Variants in NT5C1B observed in about 807,000 individuals in gnomAD.
NT5C1B encodes the protein cytosolic 5'-nucleotidase 1B.
A neutral mutation model predicts 57.8 loss-of-function variants in NT5C1B; 44 were observed. The observed-to-expected ratio is 0.76, with a 90% confidence interval of 0.60 to 0.98. The LOEUF (loss-of-function observed/expected upper bound fraction) is 0.98, where lower values mean the gene tolerates loss of function less well. Ranked by LOEUF, NT5C1B falls within the 50% of genes least tolerant of loss-of-function variation. NT5C1B has a pLI of 0.00. For missense variants in NT5C1B, 742 were observed against 719.5 expected (o/e 1.03, Z -0.36); for synonymous variants, 284 against 282.6 (o/e 1.00, Z -0.05).
At chr2:18,587,183 T>G in intron 2 of NT5C1B, 4 of 1,610,272 alleles carry the variant, frequency 2.5e-6, no homozygotes, top group Non-Finnish European at 3.4e-6. Flanking sequence ...TCTGAAAGAT[T>G]GTGCAGAAAG....
chr2:18,564,100 A>G (rs1308897069), exon 9 of NT5C1B: 1 of 1,583,020 alleles, frequency 6.3e-7, no homozygotes, highest in Non-Finnish European at 8.6e-7. Context: ...TAAATCTTCC[A>G]GAAAGCCTTT....
intron 3 of NT5C1B, chr2:18,585,272 A>G: frequency 1.5e-6 from 1 of 667,234 alleles, no homozygotes; most frequent in Non-Finnish European, 2.8e-6. Context: ...CCCCTTAGGC[A>G]GCTGACACAT....
At chr2:18,582,175 G>C (rs1242891629) in intron 6 of NT5C1B, among the ~76,000 whole-genome samples, 1 of 152,190 alleles carries the variant, frequency 6.6e-6, no homozygotes, top group Non-Finnish European at 1.5e-5. Flanking sequence ...GTGCTTCAAT[G>C]ATTCCAGCCT....
At chr2:18,576,684 T>A (rs555428516) in intron 7 of NT5C1B, 89 bp downstream of exon 7, 1 of 1,566,086 alleles carries the variant, frequency 6.4e-7, no homozygotes, top group African/African-American at 1.4e-5. Context: ...AACAAGACCA[T>A]AAGCCTCATA....
exon 7 of NT5C1B, chr2:18,576,792 C>T: frequency 6.2e-7 from 1 of 1,613,814 alleles, no homozygotes; most frequent in Non-Finnish European, 8.5e-7. Context: ...TTGCCTCTTG[C>T]ACTTTTTCAG....
Position 18,576,230 on chromosome 2 carries a change from T to C in NT5C1B, c.1283A>G (p.Lys428Arg), listed in dbSNP as rs149286164. Residue 428 changes from lysine to arginine, a missense_variant, in exon 8 of 9, where the codon AAA becomes AGA. Coordinates refer to ENST00000304081, the Ensembl canonical transcript of NT5C1B. ...ACATAATGTATCATACTGGAAGAAT[T>C]TGTCGAGCCCATGCTCCTTGGTAAA... The C allele has an allele frequency of 9.9e-6, 16 of 1,613,544 alleles. No homozygotes were observed. In the African/African-American group the frequency reaches 2.0e-4, roughly 20 times the overall value.
At chr2:18,564,319 A>G (rs1444673857) in intron 8 of NT5C1B, among the ~76,000 whole-genome samples, 200 bp from the exon 9 acceptor site, 2 of 152,230 alleles carry the variant, frequency 1.3e-5, no homozygotes, top group Non-Finnish European at 2.9e-5. Flanking sequence ...CCATCCTTGC[A>G]TTCCTGGAAT....
At chr2:18,572,790 A>G (rs1665324742) in intron 8 of NT5C1B, among the ~76,000 whole-genome samples, 1 of 152,218 alleles carries the variant, frequency 6.6e-6, no homozygotes, top group Non-Finnish European at 1.5e-5. Context: ...AAAGAAAAAT[A>G]CTGAATACTA....
chr2:18,576,476 T>TCAGG, intron 7 of NT5C1B, 108 bp from the exon 8 acceptor site: 1 of 1,413,078 alleles, frequency 7.1e-7, no homozygotes. Flanking sequence ...TCTCTAGCTA[T>TCAGG]TACCTGATGG....
At chr2:18,568,233 T>C (rs1009143581) in intron 8 of NT5C1B, among the ~76,000 whole-genome samples, 3 of 152,112 alleles carry the variant, frequency 2.0e-5, no homozygotes, top group Admixed American at 2.0e-4. Flanking sequence ...TCATAACATT[T>C]GTCATCAAAA....
rs546653668 is a variant in NT5C1B, at chr2:18,580,143, G to A, written c.1021+2725C>T. On this transcript the variant is annotated intron_variant, in intron 6 of 8. Transcript: ENST00000304081. ...TAAAAAGTTAAAAAATGACCTGCTGGTGAGGTTGTGGTTAAAAACGAACAC... is the reference window on the plus strand; with the variant it reads ...TAAAAAGTTAAAAAATGACCTGCTGATGAGGTTGTGGTTAAAAACGAACAC... Among the ~76,000 whole-genome samples the A allele has an allele frequency of 2.6e-5, 4 of 152,306 alleles. No homozygotes were observed. The South Asian group carries it at 8.3e-4, about 32-fold the overall frequency.
At chr2:18,568,689 C>CCT (rs1258197060) in intron 8 of NT5C1B, among the ~76,000 whole-genome samples, 1 of 152,208 alleles carries the variant, frequency 6.6e-6, no homozygotes, top group Non-Finnish European at 1.5e-5. Context: ...AGCTTAGAGA[C>CCT]AACCTGCCTC....
intron 8 of NT5C1B, among the ~76,000 whole-genome samples, chr2:18,573,089 T>C (rs1208674342): frequency 6.6e-6 from 1 of 152,120 alleles, no homozygotes; most frequent in East Asian, 1.9e-4. Flanking sequence ...ATGTGGTACA[T>C]CCACAGAATA....
At position 18,584,190 on chromosome 2, in the gene NT5C1B, G is replaced by T; in HGVS notation, c.789C>A (p.Gly263=). 1 of 1,614,138 alleles carries T rather than the reference G, an allele frequency of 6.2e-7. No individual in the cohort carries two copies. The highest frequency in any genetic ancestry group is 8.5e-7 in the Non-Finnish European group (1 of 1,180,018). ...GACCCTCTTGCTCGTAGATTTTCCT[G>T]CCGTCCACCATGTTGAAGAGCGCGC... Residue 263 remains glycine (G), a synonymous_variant, in exon 5 of 9, where the codon GGC becomes GGA. Coordinates refer to ENST00000304081, the Ensembl canonical transcript of NT5C1B. The surrounding 1 kb of genome is among the most constrained non-coding windows in gnomAD (Gnocchi z 5.8).
In NT5C1B at chr2:18,584,024, G is replaced by A; in HGVS notation, c.891+64C>T. On this transcript the variant is annotated intron_variant, in intron 5 of 8. Transcript: ENST00000304081. This position sits in a 1 kb window ranked among gnomAD's most constrained non-coding sequence, Gnocchi z 5.8. The stretch of plus-strand genomic sequence containing the variant: ...TGGGAAATTGGATGCCCTCCCAAGG[G>A]TTGGCCTGGGTCCCTCCCTCGCCAT... 6.2e-7 allele frequency: 1 copy of A among 1,613,058 alleles called. No homozygotes were observed. The highest frequency in any genetic ancestry group is 8.5e-7 in the Non-Finnish European group (1 of 1,179,810).
At chr2:18,583,731 G>A (rs1470802937) in intron 5 of NT5C1B, 1 of 427,554 alleles carries the variant, frequency 2.3e-6, no homozygotes, top group South Asian at 1.8e-5. Flanking sequence ...AAGAGCTAAC[G>A]TGAATTTCAT....
At position 18,587,720 on chromosome 2, in the gene NT5C1B, C is replaced by G. The variant is rs115171103; in HGVS notation, c.31-128G>C. The G allele has an allele frequency of 6.4e-3, 6,563 of 1,023,938 alleles. 31 individuals carry two copies. The highest frequency in any genetic ancestry group is 0.01 in the Middle Eastern group (32 of 3,152). 63.4% of individuals were successfully genotyped at this position (1,023,938 alleles called of 1,614,324 possible). A position where few individuals can be genotyped will look rare whatever the true frequency, so the allele number is the denominator to read the frequency against. On this transcript the variant is annotated intron_variant, in intron 1 of 8. Coordinates refer to ENST00000304081, the Ensembl canonical transcript of NT5C1B. ...TTGCCAATATAAAAAGGTATAAACT[C>G]TAGACCTTAGTTTCCCCTGTTCTAA...
intron 3 of NT5C1B, among the ~76,000 whole-genome samples, chr2:18,586,014 C>G (rs953450732): frequency 1.3e-5 from 2 of 151,940 alleles, no homozygotes; most frequent in Non-Finnish European, 2.9e-5. Context: ...ATCTGGAGCC[C>G]CTGGGTTTTA....
At position 18,584,583 on chromosome 2, in the gene NT5C1B, G is replaced by A; in HGVS notation, c.654C>T (p.Tyr218=). ...TCATGGATGCCCAGTAGGCAGCCTC[G>A]TAGTCGTCCTCGTCCTCCCGCTGCT... is the stretch of plus-strand genomic sequence containing the variant. The change falls in exon 4 of 9, where the codon TAC becomes TAT. Residue 218 remains tyrosine, a synonymous_variant. Transcript: ENST00000304081. The surrounding 1 kb of genome is among the most constrained non-coding windows in gnomAD (Gnocchi z 5.8). 2 of 1,612,744 alleles carry A rather than the reference G, an allele frequency of 1.2e-6. No individual in the cohort carries two copies. The highest frequency in any genetic ancestry group is 1.1e-5 in the South Asian group (1 of 90,768).
Sources: gnomAD v4.1 joint callset for allele counts (sites outside exome capture counted in the v4.1 genomes callset) on GRCh38, gnomAD v4.1.1 for gene constraint, Gnocchi (gnomAD v3.1) non-coding constraint, MANE v1.5 for transcripts, NCBI Gene and HGNC (gene_info 2026-07-23, HGNC 2026-07-21) for gene names.